Variants in TIAM2 observed in about 807,000 individuals in gnomAD.
TIAM2 encodes TIAM Rac1 associated GEF 2.
Under a neutral mutation model 152.9 loss-of-function variants are expected in TIAM2, and 80 were observed. That is an observed-to-expected ratio of 0.52 (90% CI 0.44 to 0.63). TIAM2 has a LOEUF of 0.63. Among genes scored for constraint, TIAM2 ranks in the 30% least tolerant of loss-of-function variants. The pLI is 0.00. For missense variants in TIAM2, 1,965 were observed against 2,120.1 expected (o/e 0.93, Z 1.44); for synonymous variants, 804 against 838.0 (o/e 0.96, Z 0.70).
chr6:155,049,575 T>G (rs1394518419), intron 1 of TIAM2, among the ~76,000 whole-genome samples: 1 of 152,144 alleles, frequency 6.6e-6, no homozygotes, highest in Non-Finnish European at 1.5e-5. Flanking sequence ...GCGTGCCTGC[T>G]GCATTAACAG....
chr6:155,032,610 G>A (rs1350036021), intron 1 of TIAM2, among the ~76,000 whole-genome samples: 6 of 151,954 alleles, frequency 3.9e-5, no homozygotes, highest in African/African-American at 1.2e-4. Context: ...GCGTGATCTC[G>A]GCTCACTGCA....
At chr6:155,209,349 G>A (rs1416619898) in intron 14 of TIAM2, among the ~76,000 whole-genome samples, 1 of 152,174 alleles carries the variant, frequency 6.6e-6, no homozygotes, top group East Asian at 1.9e-4. Context: ...GATACAGTAG[G>A]ATTGAGGGCT....
chr6:155,025,395 G>GTGTTAGCCAGGA (rs1188119390), intron 1 of TIAM2, among the ~76,000 whole-genome samples: 1 of 151,716 alleles, frequency 6.6e-6, no homozygotes, highest in Non-Finnish European at 1.5e-5. Flanking sequence ...GGGTTTCACC[G>GTGTTAGCCAGGA]TGGTCTCAAT....
intron 7 of TIAM2, among the ~76,000 whole-genome samples, chr6:155,162,387 A>G (rs1159916383): frequency 6.6e-6 from 1 of 152,242 alleles, no homozygotes; most frequent in Middle Eastern, 3.2e-3. Flanking sequence ...ATCTAGAAAT[A>G]TCTACATATT....
At chr6:155,208,195 G>C (rs918378268) in intron 14 of TIAM2, among the ~76,000 whole-genome samples, 4 of 152,166 alleles carry the variant, frequency 2.6e-5, no homozygotes, top group Non-Finnish European at 5.9e-5. Flanking sequence ...GAAATACCAA[G>C]TCTTCTTATT....
chr6:154,996,650 T>G (rs981614777), intron 1 of TIAM2, among the ~76,000 whole-genome samples: 1 of 152,224 alleles, frequency 6.6e-6, no homozygotes, highest in African/African-American at 2.4e-5. Context: ...CTATAAATGT[T>G]TCAGTCCTAG....
At chr6:155,138,420 A>C (rs960599795) in intron 5 of TIAM2, among the ~76,000 whole-genome samples, 2 of 150,712 alleles carry the variant, frequency 1.3e-5, no homozygotes, top group African/African-American at 4.9e-5. Context: ...ATCACTAACA[A>C]GTGCAGCCGT....
At chr6:155,090,198 C>G (rs1217341807) in intron 1 of TIAM2, 91 bp from the exon 2 acceptor site, 3 of 152,172 alleles carry the variant, frequency 2.0e-5, no homozygotes, top group Non-Finnish European at 4.4e-5. Context: ...CAAGATACAA[C>G]AGAATGCTGA....
chr6:155,243,980 G>A lies in TIAM2; in HGVS notation c.3349-31G>A, dbSNP rs140223450. ...TCATGGGTATTTTGGAGACTAAAGC[G>A]TTGAAGACACTTTCTTCTATTTTCT... On this transcript the variant is annotated intron_variant, in intron 16 of 26. Transcript: ENST00000682666. The A allele has an allele frequency of 2.4e-5, 38 of 1,601,850 alleles. No homozygotes were observed. In the African/African-American group the frequency reaches 3.2e-4, roughly 14 times the overall value.
At chr6:155,155,364 T>G (rs1048542763) in intron 7 of TIAM2, among the ~76,000 whole-genome samples, 1 of 152,062 alleles carries the variant, frequency 6.6e-6, no homozygotes, top group Non-Finnish European at 1.5e-5. Flanking sequence ...TTAGTAGAGA[T>G]GGGATTGGCC....
intron 1 of TIAM2, among the ~76,000 whole-genome samples, chr6:155,044,488 C>G (rs1777117290): frequency 6.6e-6 from 1 of 151,296 alleles, no homozygotes; most frequent in Non-Finnish European, 1.5e-5. Context: ...AATTTTTCTT[C>G]TCTTCCTATT....
intron 1 of TIAM2, among the ~76,000 whole-genome samples, chr6:155,036,999 G>A (rs1473431661): frequency 6.6e-6 from 1 of 152,076 alleles, no homozygotes; most frequent in African/African-American, 2.4e-5. Flanking sequence ...CCTTAGGCAC[G>A]GCTCTCTATA....
chr6:155,182,190 C>T (rs1390723520), intron 12 of TIAM2, 36 bp from the exon 13 acceptor site: 2 of 1,576,754 alleles, frequency 1.3e-6, no homozygotes, highest in Middle Eastern at 1.7e-4. Context: ...GTGTGGTGGG[C>T]TGAGACTTGC....
chr6:155,223,552 A>G (rs1385731461), intron 15 of TIAM2, among the ~76,000 whole-genome samples: 1 of 131,004 alleles, frequency 7.6e-6, no homozygotes, highest in African/African-American at 2.9e-5. Context: ...TTTACTCTGC[A>G]CTTCAATGGA....
intron 15 of TIAM2, among the ~76,000 whole-genome samples, chr6:155,229,912 G>A (rs561996520): frequency 5.3e-5 from 8 of 152,122 alleles, no homozygotes; most frequent in East Asian, 3.9e-4. Flanking sequence ...ATCAGATCTC[G>A]TGAGACTTAT....
chr6:155,203,048 CAAAAAAAAAAAAAAA>C (rs59836931), intron 14 of TIAM2, among the ~76,000 whole-genome samples: 3 of 78,880 alleles, frequency 3.8e-5, no homozygotes, highest in Admixed American at 1.7e-4. Context: ...AACTCTGTCT[CAAAAAAAAAAAAAAA>C]AAAAAAAGAG....
At chr6:155,036,947 A>G (rs954126108) in intron 1 of TIAM2, among the ~76,000 whole-genome samples, 2 of 152,122 alleles carry the variant, frequency 1.3e-5, no homozygotes, top group Non-Finnish European at 2.9e-5. Flanking sequence ...CAGACATTTA[A>G]AATTATTGTT....
chr6:155,046,408 T>C (rs2114915098), intron 1 of TIAM2, among the ~76,000 whole-genome samples: 1 of 140,712 alleles, frequency 7.1e-6, no homozygotes, highest in Non-Finnish European at 1.5e-5. Context: ...TGATCTCGGC[T>C]CACTGCAGCC....
At chr6:155,081,848 C>T (rs1235573484) in intron 1 of TIAM2, among the ~76,000 whole-genome samples, 1 of 152,194 alleles carries the variant, frequency 6.6e-6, no homozygotes, top group Admixed American at 6.5e-5. Context: ...TTGAATCCCT[C>T]TTGTAGGGTA....
Sources: gnomAD v4.1 joint callset for allele counts (sites outside exome capture counted in the v4.1 genomes callset) on GRCh38, gnomAD v4.1.1 for gene constraint, MANE v1.5 for transcripts, NCBI Gene and HGNC (gene_info 2026-07-23, HGNC 2026-07-21) for gene names.